Variants in SLC30A7 observed in about 807,000 individuals in gnomAD.
The protein encoded by SLC30A7 is zinc transporter 7.
In SLC30A7, 35 loss-of-function variants were observed where a neutral mutation model predicts 46.0. The observed-to-expected ratio is 0.76, with a 90% confidence interval of 0.58 to 1.01. The LOEUF (loss-of-function observed/expected upper bound fraction) is 1.01, where lower values mean the gene tolerates loss of function less well. Among genes scored for constraint, SLC30A7 ranks in the 50% least tolerant of loss-of-function variants. The probability of loss-of-function intolerance (pLI) is 0.00; values close to 1 mark genes in which losing one functional copy is unlikely to be tolerated. For synonymous variants in SLC30A7, 147 were observed against 157.8 expected, an observed-to-expected ratio of 0.93 and a Z score of 0.51; for missense variants, 464 against 451.1, an observed-to-expected ratio of 1.03 and a Z score of -0.26.
At chr1:100,939,519 T>C (rs941642866) in intron 8 of SLC30A7, among the ~76,000 whole-genome samples, 18 of 152,048 alleles carry the variant, frequency 1.2e-4, no homozygotes, top group African/African-American at 4.3e-4. Context: ...GAACAGAGCC[T>C]TTTTTGTCAA....
intron 3 of SLC30A7, among the ~76,000 whole-genome samples, chr1:100,909,675 A>G (rs1298377297): frequency 6.6e-6 from 1 of 152,086 alleles, no homozygotes. Context: ...CTTAAACTCA[A>G]GCTAATTAAA....
At chr1:100,913,842 A>G (rs376491595) in intron 6 of SLC30A7, 36 bp downstream of exon 6, 16 of 1,581,700 alleles carry the variant, frequency 1.0e-5, no homozygotes, top group Non-Finnish European at 1.4e-5. Flanking sequence ...ACAGCCTCCA[A>G]ATAAACAAGA....
intron 8 of SLC30A7, among the ~76,000 whole-genome samples, chr1:100,959,850 G>T (rs1558005188): frequency 6.6e-6 from 1 of 152,136 alleles, no homozygotes; most frequent in African/African-American, 2.4e-5. Flanking sequence ...TGCCTGTTAC[G>T]TGGACTTGAG....
intron 8 of SLC30A7, among the ~76,000 whole-genome samples, chr1:100,940,583 C>A (rs924698319): frequency 6.6e-6 from 1 of 152,134 alleles, no homozygotes; most frequent in Non-Finnish European, 1.5e-5. Flanking sequence ...AAGAGACTAA[C>A]TTCCTGATAG....
chr1:100,917,976 C>T (rs1652682305), intron 6 of SLC30A7, 101 bp from the exon 7 acceptor site: 1 of 832,792 alleles, frequency 1.2e-6, no homozygotes, highest in Non-Finnish European at 2.0e-6. Context: ...GCTATATAGC[C>T]ATGCATTCTT....
chr1:100,906,639 C>A (rs563471698), intron 2 of SLC30A7, among the ~76,000 whole-genome samples: 1 of 152,234 alleles, frequency 6.6e-6, no homozygotes, highest in African/African-American at 2.4e-5. Flanking sequence ...CTACCTCTCT[C>A]GCAGCAGCTG....
intron 8 of SLC30A7, among the ~76,000 whole-genome samples, chr1:100,952,926 C>T (rs192150070): frequency 1.6e-4 from 24 of 152,256 alleles, no homozygotes; most frequent in African/African-American, 5.8e-4. Flanking sequence ...TTAACTTGTA[C>T]TAGTGATATG....
intron 8 of SLC30A7, among the ~76,000 whole-genome samples, chr1:100,935,819 A>T (rs1386665981): frequency 6.6e-6 from 1 of 152,188 alleles, no homozygotes; most frequent in Non-Finnish European, 1.5e-5. Context: ...ATTCTTTGTC[A>T]GTATCTGGGG....
At chr1:100,992,587 A>C in the SLC30A7 span, 1 of 1,341,102 alleles carries the variant, frequency 7.5e-7, no homozygotes, top group African/African-American at 1.4e-5. Context: ...TACACATCTA[A>C]ATGTAGTAAC....
At chr1:100,962,512 A>G (rs1464164466) in intron 9 of SLC30A7, among the ~76,000 whole-genome samples, 1 of 152,242 alleles carries the variant, frequency 6.6e-6, no homozygotes, top group Non-Finnish European at 1.5e-5. Context: ...TTGCTAATGT[A>G]AAAGTGCTAT....
chr1:100,942,703 G>A (rs1654420134), intron 8 of SLC30A7, among the ~76,000 whole-genome samples: 2 of 152,214 alleles, frequency 1.3e-5, no homozygotes, highest in South Asian at 2.1e-4. Context: ...TAGGGTTATA[G>A]CATTTTCTAT....
intron 8 of SLC30A7, among the ~76,000 whole-genome samples, chr1:100,939,940 A>G (rs1268921339): frequency 6.6e-6 from 1 of 152,124 alleles, no homozygotes; most frequent in African/African-American, 2.4e-5. Flanking sequence ...AGGTCCTTTT[A>G]TTCTGAGGAG....
At chr1:100,961,388 G>A (rs1655540931) in intron 8 of SLC30A7, among the ~76,000 whole-genome samples, 1 of 152,264 alleles carries the variant, frequency 6.6e-6, no homozygotes, top group South Asian at 2.1e-4. Context: ...TCATTTCACT[G>A]CATCTGTGGT....
rs970225684 is a variant in SLC30A7, at chr1:100,979,615, C to A, written c.*4758C>A. ...TTTATGTGCCAGGCGGTTAGTGTGG[C>A]CTTCATGTTATTACATTTAATCCTC... On this transcript the variant is annotated 3_prime_UTR_variant, in exon 11 of 11. Coordinates refer to ENST00000357650, the MANE Select transcript of SLC30A7 (RefSeq NM_133496.5). 4.6e-5 allele frequency: 7 copies of A among 151,960 alleles called. No homozygotes were observed. The highest frequency in any genetic ancestry group is 2.1e-4 in the South Asian group (1 of 4,820). 9.4% of individuals were successfully genotyped at this position (151,960 alleles called of 1,614,324 possible).
At chr1:100,923,120 C>A (rs1653059750) in intron 8 of SLC30A7, among the ~76,000 whole-genome samples, 1 of 115,456 alleles carries the variant, frequency 8.7e-6, no homozygotes, top group Non-Finnish European at 1.9e-5. Flanking sequence ...GGGTTCACGC[C>A]ATTCTCCTGC....
At chr1:100,949,335 G>A (rs186519872) in intron 8 of SLC30A7, among the ~76,000 whole-genome samples, 10 of 152,240 alleles carry the variant, frequency 6.6e-5, no homozygotes, top group East Asian at 3.9e-4. Context: ...TATCACCAGC[G>A]GAGGCTGCAG....
rs375872283 is a variant in SLC30A7 at position 100,946,783 on chromosome 1, G to A, written c.843-15045G>A. The stretch of plus-strand genomic sequence containing the variant: ...GTGTCTCTGCCGGGCTTTGGTATCT[G>A]CATGATGCTGGCCTCATAAAATGAG... On this transcript the variant is annotated intron_variant, in intron 8 of 10. Coordinates refer to ENST00000357650, the MANE Select transcript of SLC30A7 (RefSeq NM_133496.5). Among the ~76,000 whole-genome samples the A allele has an allele frequency of 1.2e-4, 18 of 152,252 alleles. 1 individual carries two copies. In the South Asian group the frequency reaches 3.7e-3, roughly 32 times the overall value.
chr1:100,939,673 TAAA>T (rs779785674), intron 8 of SLC30A7, among the ~76,000 whole-genome samples: 1 of 133,676 alleles, frequency 7.5e-6, no homozygotes, highest in African/African-American at 2.7e-5. Context: ...TGTCTCTACT[TAAA>T]AAAAAAAAAA....
In SLC30A7 at chr1:100,918,083, C is replaced by T. The variant is rs778818510; in HGVS notation, c.662C>T (p.Pro221Leu). The T allele has an allele frequency of 8.1e-6, 13 of 1,611,292 alleles. No individual in the cohort carries two copies. Among genetic ancestry groups the T allele is most frequent in the South Asian group, 4.4e-5 (4 of 90,772 alleles). The stretch of plus-strand genomic sequence containing the variant: ...ATAACTTAATTCTCTACAGATGGCC[C>T]GTCCTTAAAAGAAACAACAGGACCC... The part of the protein sequence containing the change: ...GHGHFHSHDG[P>L]SLKETTGPSR... The change falls in exon 7 of 11, where the codon CCG becomes CTG. Residue 221 changes from proline (P) to leucine (L), a missense_variant. Coordinates refer to ENST00000357650, the MANE Select transcript of SLC30A7 (RefSeq NM_133496.5).
Sources: gnomAD v4.1 joint callset for allele counts (sites outside exome capture counted in the v4.1 genomes callset) on GRCh38, gnomAD v4.1.1 for gene constraint, MANE v1.5 for transcripts, NCBI Gene and HGNC (gene_info 2026-07-23, HGNC 2026-07-21) for gene names.